BFSP1: variants seen among roughly 807,000 people sequenced by gnomAD.
BFSP1 encodes the protein filensin.
In BFSP1, 38 loss-of-function variants were observed where a neutral mutation model predicts 43.9. That is an observed-to-expected ratio of 0.87 (90% confidence interval 0.67 to 1.14). The LOEUF is 1.14. Among genes scored for constraint, BFSP1 ranks in the 50% most tolerant of loss-of-function variants. The probability of loss-of-function intolerance (pLI) is 0.00; values close to 1 mark genes in which losing one functional copy is unlikely to be tolerated. For missense variants in BFSP1, 850 were observed against 875.1 expected, an observed-to-expected ratio of 0.97 and a Z score of 0.36; for synonymous variants, 352 against 354.8, an observed-to-expected ratio of 0.99 and a Z score of 0.09.
rs529279531 is a variant in BFSP1, at chr20:17,507,072, G to A, written c.735+1817C>T. On this transcript the variant is annotated intron_variant, in intron 5 of 7. Transcript: ENST00000377873. This position sits in a 1 kb window ranked among gnomAD's most constrained non-coding sequence, Gnocchi z 4.4. ...CTCAGAAACCAGGTTAATCTGTTGT[G>A]AAATTTCTTATTTTGATATTCAACA... 2.0e-5 allele frequency: 3 copies of A among 152,214 alleles called. No individual in the cohort carries two copies. The highest frequency in any genetic ancestry group is 7.2e-5 in the African/African-American group (3 of 41,526). The allele number at this position is 152,214 out of a possible 1,614,324, so 9.4% of individuals were successfully genotyped here.
Position 17,494,788 on chromosome 20 carries a change from T to C in BFSP1, c.1284A>G (p.Pro428=), listed in dbSNP as rs960590780. ...TCTGCCCTCCATCTGGCACATCCTC[T>C]GGAGCCCCTTCTTGTGTCAGGGGAC... is the stretch of plus-strand genomic sequence containing the variant. The part of the protein sequence containing the change: ...EVSPLTQEGA[P]EDVPDGGQIS... The change falls in exon 8 of 8, where the codon CCA becomes CCG. Residue 428 remains proline, a synonymous_variant. Transcript: ENST00000377873. The C allele has an allele frequency of 1.9e-6, 3 of 1,614,084 alleles. No homozygotes were observed. In the African/African-American group the frequency reaches 4.0e-5, roughly 22 times the overall value.
At chr20:17,500,502 G>A (rs1159152846) in intron 5 of BFSP1, among the ~76,000 whole-genome samples, 1 of 152,208 alleles carries the variant, frequency 6.6e-6, no homozygotes, top group African/African-American at 2.4e-5. Flanking sequence ...GGCGTAAACA[G>A]ACTGTGCTGC....
Position 17,530,969 on chromosome 20 carries a change from C to A in BFSP1, c.361G>T (p.Asp121Tyr). Residue 121 changes from aspartate to tyrosine, a missense_variant, in exon 1 of 8, where the codon GAC (aspartate) becomes TAC (tyrosine). Physicochemically the swap from Asp to Tyr is radical, Grantham distance 160 (BLOSUM62 -3). Coordinates refer to ENST00000377873, the MANE Select transcript of BFSP1 (RefSeq NM_001195.5). ...GCCGCTTACTTGCTTCGGAACTCGTCGAGCGCGCGCTGCGCCTCGGTGCCC... is the reference window on the plus strand; with the variant it reads ...GCCGCTTACTTGCTTCGGAACTCGTAGAGCGCGCGCTGCGCCTCGGTGCCC... ...RQGTEAQRAL[D>Y]EFRSKYENEC... 1 of 1,438,142 alleles carries A rather than the reference C, an allele frequency of 7.0e-7. No homozygotes were observed. Among genetic ancestry groups the A allele is most frequent in the Non-Finnish European group, 9.1e-7 (1 of 1,099,472 alleles). 89.1% of individuals were successfully genotyped at this position (1,438,142 alleles called of 1,614,324 possible).
chr20:17,566,324 T>C (rs2122136930), intron 1 of BFSP1, among the ~76,000 whole-genome samples: 1 of 152,302 alleles, frequency 6.6e-6, no homozygotes, highest in African/African-American at 2.4e-5. Context: ...CATTTCTTCT[T>C]CCCTGCCGCT....
chr20:17,547,393 G>A lies in BFSP1; in HGVS notation c.2+11295C>T, dbSNP rs895213811. Among the ~76,000 whole-genome samples the A allele has an allele frequency of 7.2e-5, 11 of 152,080 alleles. No homozygotes were observed. In the East Asian group the frequency reaches 7.7e-4, roughly 11 times the overall value. ...AATTTTGAGGGCACTGAAATCTCTCGCTTACTGTTTTAAAGACCTGTAAAA... is the reference window on the plus strand; with the variant it reads ...AATTTTGAGGGCACTGAAATCTCTCACTTACTGTTTTAAAGACCTGTAAAA... On this transcript the variant is annotated intron_variant, in intron 1 of 7. Transcript: ENST00000377868.
chr20:17,554,483 C>T (rs144566848), intron 1 of BFSP1, among the ~76,000 whole-genome samples: 3,718 of 152,202 alleles, frequency 0.024, 67 homozygotes, highest in Non-Finnish European at 0.037. Flanking sequence ...TTGGCATTAG[C>T]GAATCCATTA....
At chr20:17,564,440 C>G (rs1301050358) in intron 1 of BFSP1, among the ~76,000 whole-genome samples, 1 of 151,902 alleles carries the variant, frequency 6.6e-6, no homozygotes, top group Non-Finnish European at 1.5e-5. Flanking sequence ...TTGTTTGGCA[C>G]TGTACTTCTA....
At chr20:17,552,594 G>C (rs1050102029) in intron 1 of BFSP1, among the ~76,000 whole-genome samples, 2 of 152,194 alleles carry the variant, frequency 1.3e-5, no homozygotes, top group African/African-American at 4.8e-5. Flanking sequence ...GACCATTGCA[G>C]TAATCCAGTT....
intron 1 of BFSP1, among the ~76,000 whole-genome samples, chr20:17,556,041 T>TA (rs1273566944): frequency 6.6e-6 from 1 of 152,110 alleles, no homozygotes; most frequent in Non-Finnish European, 1.5e-5. Context: ...GAATAGATGG[T>TA]AAAAATGACA....
intron 2 of BFSP1, among the ~76,000 whole-genome samples, chr20:17,523,749 GAACAT>G (rs2034362553): frequency 6.6e-6 from 1 of 151,564 alleles, no homozygotes; most frequent in African/African-American, 2.4e-5. Context: ...GTCCTGGTTT[GAACAT>G]ATCATACGTG....
chr20:17,550,519 C>T (rs1401229906), intron 1 of BFSP1, among the ~76,000 whole-genome samples: 1 of 145,456 alleles, frequency 6.9e-6, no homozygotes, highest in Non-Finnish European at 1.5e-5. Flanking sequence ...GGCTGGAGGG[C>T]AATGGCGTGA....
At chr20:17,565,502 C>T (rs1280666392) in intron 1 of BFSP1, 1 of 152,136 alleles carries the variant, frequency 6.6e-6, no homozygotes, top group Non-Finnish European at 1.5e-5. Context: ...CACCTTGCAG[C>T]AATTATAAGA....
chr20:17,531,151 G>A lies in BFSP1; in HGVS notation c.179C>T (p.Ala60Val). 7.7e-7 allele frequency: 1 copy of A among 1,306,532 alleles called. No individual in the cohort carries two copies. Among genetic ancestry groups the A allele is most frequent in the East Asian group, 3.2e-5 (1 of 31,266 alleles). 80.9% of individuals were successfully genotyped at this position (1,306,532 alleles called of 1,614,324 possible). A position where few individuals can be genotyped will look rare whatever the true frequency, so the allele number is the denominator to read the frequency against. Residue 60 changes from alanine (A) to valine (V), a missense_variant, in exon 1 of 8, where the codon GCC (alanine) becomes GTC (valine). By Grantham distance (64) the Ala-to-Val change is moderately conservative (BLOSUM62 0). Coordinates refer to ENST00000377873, the MANE Select transcript of BFSP1 (RefSeq NM_001195.5). ...RVAAHVQRAR[A>V]LEQRHAGLRR... ...GAGCCCGGCATGGCGCTGCTCGAGG[G>A]CGCGGGCCCGCTGGACGTGGGCGGC... is the stretch of plus-strand genomic sequence containing the variant.
chr20:17,512,988 C>A (rs934619110), intron 3 of BFSP1, among the ~76,000 whole-genome samples: 3 of 152,236 alleles, frequency 2.0e-5, no homozygotes, highest in African/African-American at 7.2e-5. Flanking sequence ...CTCCAGAAAG[C>A]AGCCCTTGGC....
chr20:17,535,825 A>G (rs558621485), upstream of BFSP1, among the ~76,000 whole-genome samples: 9 of 152,348 alleles, frequency 5.9e-5, no homozygotes, highest in East Asian at 1.5e-3. Flanking sequence ...AGCTATATAT[A>G]TGTATAATGG....
intron 1 of BFSP1, among the ~76,000 whole-genome samples, chr20:17,567,667 G>T (rs571674440): frequency 1.1e-3 from 168 of 152,236 alleles, no homozygotes; most frequent in Non-Finnish European, 8.7e-4. Context: ...TTCAAGACCA[G>T]CCTGACCAAC....
chr20:17,518,082 CCACCAG>C (rs1239048224), intron 2 of BFSP1, among the ~76,000 whole-genome samples: 1 of 152,218 alleles, frequency 6.6e-6, no homozygotes, highest in African/African-American at 2.4e-5. Context: ...GCTCCTGCTG[CCACCAG>C]CACCACTGCC....
upstream of BFSP1, among the ~76,000 whole-genome samples, chr20:17,534,183 T>G (rs151288292): frequency 7.7e-3 from 1,174 of 152,292 alleles, 13 homozygotes; most frequent in African/African-American, 0.026. Flanking sequence ...AAGAGACATG[T>G]TCGTAGAGAT....
chr20:17,531,186 G>C lies in BFSP1; in HGVS notation c.144C>G (p.Gly48=). Residue 48 remains glycine (G), a synonymous_variant, in exon 1 of 8, where the codon GGC becomes GGG. Transcript: ENST00000377873. Reference sequence around the variant, plus strand: ...GCTGGACGTGGGCGGCCACGCGCTCGCCGAGCCCCTGCAGCGCCGCCAGGC... The same window carrying C: ...GCTGGACGTGGGCGGCCACGCGCTCCCCGAGCCCCTGCAGCGCCGCCAGGC... The part of the protein sequence containing the change: ...ATSLAALQGL[G]ERVAAHVQRA... 7.7e-7 allele frequency: 1 copy of C among 1,297,890 alleles called. No homozygotes were observed. The highest frequency in any genetic ancestry group is 2.2e-5 in the South Asian group (1 of 44,914). The allele number at this position is 1,297,890 out of a possible 1,614,324, so 80.4% of individuals were successfully genotyped here.
Sources: allele counts gnomAD v4.1 joint callset (sites outside exome capture counted in the v4.1 genomes callset), GRCh38; gene constraint gnomAD v4.1.1; non-coding constraint Gnocchi (gnomAD v3.1); transcripts MANE v1.5; gene names NCBI Gene and HGNC (gene_info 2026-07-23, HGNC 2026-07-21).